DNAJC25: variants seen among roughly 807,000 people sequenced by gnomAD.
DNAJC25 encodes dnaJ homolog subfamily C member 25.
In DNAJC25, 26 loss-of-function variants were observed where a neutral mutation model predicts 42.1. The observed-to-expected ratio is 0.62, with a 90% CI of 0.45 to 0.86. The LOEUF (loss-of-function observed/expected upper bound fraction) is 0.86, where lower values mean the gene tolerates loss of function less well. DNAJC25 is among the 40% of genes least tolerant of loss of function. DNAJC25 has a pLI of 0.00. For missense variants in DNAJC25, 404 were observed against 459.4 expected, an observed-to-expected ratio of 0.88 and a Z score of 1.10; for synonymous variants, 189 against 179.9, an observed-to-expected ratio of 1.05 and a Z score of -0.40.
intron 1 of DNAJC25, among the ~76,000 whole-genome samples, chr9:111,640,085 C>T (rs1224133096): frequency 2.0e-5 from 3 of 151,898 alleles, no homozygotes; most frequent in African/African-American, 7.3e-5. Flanking sequence ...TGCAGGCACG[C>T]GCCGCCACGC....
intron 1 of DNAJC25, among the ~76,000 whole-genome samples, chr9:111,640,346 AC>A: frequency 7.0e-6 from 1 of 143,624 alleles, no homozygotes; most frequent in East Asian, 2.2e-4. Flanking sequence ...CCCGGCCGCC[AC>A]CCCGTCTGGG....
intron 2 of DNAJC25, among the ~76,000 whole-genome samples, chr9:111,647,661 C>T (rs916882834): frequency 6.6e-6 from 1 of 152,220 alleles, no homozygotes; most frequent in Non-Finnish European, 1.5e-5. Context: ...GCCAGTAGTG[C>T]TTGCCATCAT....
Position 111,653,491 on chromosome 9 carries a change from TGTTTA to T in DNAJC25, c.*273_*277del, listed in dbSNP as rs1233902946. The T allele has an allele frequency of 1.2e-4, 29 of 252,028 alleles. No homozygotes were observed. The highest frequency in any genetic ancestry group is 3.1e-4 in the African/African-American group (14 of 44,540). 15.6% of individuals were successfully genotyped at this position (252,028 alleles called of 1,614,324 possible). A position where few individuals can be genotyped will look rare whatever the true frequency, so the allele number is the denominator to read the frequency against. ...TTAGTTGCCATTTAAAATTTTTATATGTTTAGTTAAAAGATTTGACATGAAAATTT... is the reference window on the plus strand; with the variant it reads ...TTAGTTGCCATTTAAAATTTTTATATGTTAAAAGATTTGACATGAAAATTT... On this transcript the variant is annotated 3_prime_UTR_variant, in exon 4 of 4. Transcript: ENST00000313525.
At chr9:111,638,710 T>C (rs1242139800) in intron 1 of DNAJC25, among the ~76,000 whole-genome samples, 4 of 152,200 alleles carry the variant, frequency 2.6e-5, no homozygotes, top group African/African-American at 7.2e-5. Context: ...CTATTCTTTT[T>C]CTTAGCTGCT....
intron 1 of DNAJC25, among the ~76,000 whole-genome samples, chr9:111,641,646 C>CGGCCA (rs1830469855): frequency 7.3e-6 from 1 of 137,158 alleles, no homozygotes; most frequent in Non-Finnish European, 1.6e-5. Flanking sequence ...GCCCCCCGCC[C>CGGCCA]GGCCAGCCGC....
At chr9:111,636,639 A>C (rs944511116) in intron 1 of DNAJC25, among the ~76,000 whole-genome samples, 1 of 152,158 alleles carries the variant, frequency 6.6e-6, no homozygotes, top group African/African-American at 2.4e-5. Context: ...TTTCTATTTT[A>C]GGTGTGATGC....
In DNAJC25 at chr9:111,649,658, T is replaced by C. The variant is rs534213065; in HGVS notation, c.695T>C (p.Ile232Thr). Residue 232 changes from isoleucine to threonine, a missense_variant, in exon 3 of 4, where the codon ATA (isoleucine) becomes ACA (threonine). Transcript: ENST00000313525. ...AACATTATAAAAAGTAAAATAGATA[T>C]AAAGGGGGGCTATCAGAAACCCCAA... Reference protein sequence around the residue: ...IKNIIKSKIDIKGGYQKPQIC... With the variant: ...IKNIIKSKIDTKGGYQKPQIC... The C allele has an allele frequency of 3.1e-6, 5 of 1,613,736 alleles. No individual in the cohort carries two copies. The East Asian group carries it at 8.9e-5, about 29-fold the overall frequency.
At chr9:111,637,091 A>G (rs1482725073) in intron 1 of DNAJC25, among the ~76,000 whole-genome samples, 1 of 152,242 alleles carries the variant, frequency 6.6e-6, no homozygotes, top group African/African-American at 2.4e-5. Context: ...AGACATTTTA[A>G]TTTAGCTTGT....
In DNAJC25 at chr9:111,631,757, G is replaced by C. The variant is rs751768552; in HGVS notation, c.336+14G>C. 1 of 1,502,682 alleles carries C rather than the reference G, an allele frequency of 6.7e-7. No individual in the cohort carries two copies. The highest frequency in any genetic ancestry group is 8.8e-7 in the Non-Finnish European group (1 of 1,132,722). 93.1% of individuals were successfully genotyped at this position (1,502,682 alleles called of 1,614,324 possible). On this transcript the variant is annotated intron_variant, in intron 1 of 3. Coordinates refer to ENST00000313525, the MANE Select transcript of DNAJC25 (RefSeq NM_001015882.3). ...GAGACACTCAAGGTGAGGCCTGCGG[G>C]CGTGGAGGGGCTTCGAAGACTGGCC... is the stretch of plus-strand genomic sequence containing the variant.
chr9:111,633,397 A>G (rs1830316958), intron 1 of DNAJC25, among the ~76,000 whole-genome samples: 1 of 152,142 alleles, frequency 6.6e-6, no homozygotes, highest in African/African-American at 2.4e-5. Context: ...TGATATTTGG[A>G]TTGTATATCA....
chr9:111,639,382 T>G (rs1374672594), intron 1 of DNAJC25, among the ~76,000 whole-genome samples: 1 of 152,220 alleles, frequency 6.6e-6, no homozygotes, highest in Non-Finnish European at 1.5e-5. Context: ...GTTTGAGATA[T>G]TTATGTTGCA....
intron 1 of DNAJC25, chr9:111,642,993 A>G (rs1830506737): frequency 1.7e-5 from 8 of 468,384 alleles, no homozygotes; most frequent in Non-Finnish European, 3.1e-5. Flanking sequence ...AGGAAGAAAC[A>G]AGTATAAAGG....
intron 3 of DNAJC25, among the ~76,000 whole-genome samples, 165 bp downstream of exon 3, chr9:111,650,088 G>A (rs1389803374): frequency 6.6e-6 from 1 of 152,212 alleles, no homozygotes; most frequent in Non-Finnish European, 1.5e-5. Flanking sequence ...TTGGTAGTGA[G>A]ACGGTGGGTT....
intron 1 of DNAJC25, among the ~76,000 whole-genome samples, chr9:111,645,132 A>T (rs1202755916): frequency 2.6e-5 from 4 of 152,220 alleles, no homozygotes; most frequent in Admixed American, 6.5e-5. Context: ...ATATAAATAT[A>T]TTCGTATCTA....
At chr9:111,636,074 TTATTA>T (rs1830358430) in intron 1 of DNAJC25, among the ~76,000 whole-genome samples, 1 of 152,234 alleles carries the variant, frequency 6.6e-6, no homozygotes, top group South Asian at 2.1e-4. Context: ...TATTGTTCAG[TTATTA>T]TATAAGTTAT....
chr9:111,634,958 A>G (rs569623535), intron 1 of DNAJC25, among the ~76,000 whole-genome samples: 3 of 152,348 alleles, frequency 2.0e-5, no homozygotes, highest in African/African-American at 7.2e-5. Flanking sequence ...ATTCCCAAAT[A>G]AATTACAGTT....
At chr9:111,636,267 T>C (rs1318875229) in intron 1 of DNAJC25, among the ~76,000 whole-genome samples, 1 of 152,178 alleles carries the variant, frequency 6.6e-6, no homozygotes, top group African/African-American at 2.4e-5. Context: ...GTCATGAGTG[T>C]GCAAGGCTTG....
intron 1 of DNAJC25, chr9:111,643,194 T>G (rs2181150): frequency 0.032 from 8,130 of 257,036 alleles, 668 homozygotes; most frequent in African/African-American, 0.17. Flanking sequence ...AAACTGAAGT[T>G]TTTATGACAT....
At chr9:111,652,031 G>A (rs1171876786) in intron 3 of DNAJC25, among the ~76,000 whole-genome samples, 2 of 151,946 alleles carry the variant, frequency 1.3e-5, no homozygotes, top group African/African-American at 4.8e-5. Flanking sequence ...TTTGTTCCTT[G>A]GTTAAGATCA....
Sources: allele counts gnomAD v4.1 joint callset (sites outside exome capture counted in the v4.1 genomes callset), GRCh38; gene constraint gnomAD v4.1.1; transcripts MANE v1.5; gene names NCBI Gene and HGNC (gene_info 2026-07-23, HGNC 2026-07-21).